The following CAMSAP2 variants were observed in gnomAD, a reference collection of about 807,000 sequenced individuals.
CAMSAP2 encodes calmodulin regulated spectrin associated protein family member 2.
In CAMSAP2, 26 loss-of-function variants were observed where a neutral mutation model predicts 146.1. The ratio of observed to expected loss-of-function variants is 0.18; its 90% CI spans 0.13 to 0.25. CAMSAP2 has a LOEUF of 0.25. Among genes scored for constraint, CAMSAP2 ranks in the 10% least tolerant of loss-of-function variants. The probability of loss-of-function intolerance (pLI) is 1.00; values close to 1 mark genes in which losing one functional copy is unlikely to be tolerated. For synonymous variants in CAMSAP2, 499 were observed against 596.6 expected (o/e 0.84, Z 2.38); for missense variants, 1,381 against 1,759.3 (o/e 0.78, Z 3.85).
At position 200,774,733 on chromosome 1, in the gene CAMSAP2, C is replaced by CAG. The variant is rs1225162524; in HGVS notation, c.399+13638_399+13639dup. ...AGATCAGAGGCTATCGCATTGCCGA[C>CAG]AGAGGGAATAAATACGAAGACCCTG... On this transcript the variant is annotated intron_variant, in intron 2 of 16. Coordinates refer to ENST00000358823, the MANE Select transcript of CAMSAP2 (RefSeq NM_203459.4). Among the ~76,000 whole-genome samples, 3 of 152,232 alleles carry CAG rather than the reference C, an allele frequency of 2.0e-5. No homozygotes were observed. The East Asian group carries it at 5.8e-4, about 29-fold the overall frequency.
At chr1:200,787,924 C>T (rs1665639573) in intron 2 of CAMSAP2, among the ~76,000 whole-genome samples, 1 of 152,072 alleles carries the variant, frequency 6.6e-6, no homozygotes, top group Non-Finnish European at 1.5e-5. Flanking sequence ...TTTAGCAATA[C>T]AATATTTTTA....
intron 8 of CAMSAP2, among the ~76,000 whole-genome samples, chr1:200,846,307 GC>G (rs1667458610): frequency 1.3e-5 from 2 of 152,170 alleles, no homozygotes; most frequent in African/African-American, 4.8e-5. Flanking sequence ...GGAAAGTAAA[GC>G]TTTCCACTCA....
At chr1:200,791,017 G>A (rs1268843261) in intron 2 of CAMSAP2, among the ~76,000 whole-genome samples, 1 of 151,998 alleles carries the variant, frequency 6.6e-6, no homozygotes, top group African/African-American at 2.4e-5. Flanking sequence ...GCTAATTTTT[G>A]TATTTTTAGT....
intron 1 of CAMSAP2, among the ~76,000 whole-genome samples, chr1:200,740,974 A>G (rs1411247196): frequency 1.3e-5 from 2 of 152,188 alleles, no homozygotes; most frequent in Admixed American, 1.3e-4. Context: ...GTTCCCTAGT[A>G]CTCACAAATT....
intron 9 of CAMSAP2, 60 bp downstream of exon 9, chr1:200,847,352 T>C: frequency 8.4e-7 from 1 of 1,187,612 alleles, no homozygotes; most frequent in Non-Finnish European, 1.2e-6. Context: ...TGGGAAATGA[T>C]TGACAGTAAA....
rs897064576 is a variant in CAMSAP2, at chr1:200,738,918, A to G, written c.-910A>G. On this transcript the variant is annotated 5_prime_UTR_variant, in exon 1 of 17. Transcript: ENST00000358823. ...AGTCTCCGCATCTGCTCCTTCATCC[A>G]GTGCCGCAGCCGGAAAACCGCAGCG... is the stretch of plus-strand genomic sequence containing the variant. 6.7e-6 allele frequency among the ~76,000 whole-genome samples: 1 copy of G among 150,210 alleles called. No homozygotes were observed. Among genetic ancestry groups the G allele is most frequent in the Non-Finnish European group, 1.5e-5 (1 of 67,666 alleles).
intron 1 of CAMSAP2, among the ~76,000 whole-genome samples, chr1:200,756,370 C>T (rs999487000): frequency 6.6e-6 from 1 of 151,810 alleles, no homozygotes; most frequent in Non-Finnish European, 1.5e-5. Flanking sequence ...CAAGAATTGC[C>T]CGAACCCAGG....
chr1:200,770,580 A>AT (rs1306045322), intron 2 of CAMSAP2, among the ~76,000 whole-genome samples: 5 of 151,858 alleles, frequency 3.3e-5, no homozygotes, highest in African/African-American at 4.8e-5. Context: ...CACCCAGCTA[A>AT]TTTTTTTGTA....
chr1:200,805,723 C>A lies in CAMSAP2; in HGVS notation c.400-1653C>A, dbSNP rs548399887. On this transcript the variant is annotated intron_variant, in intron 2 of 16. Transcript: ENST00000358823. ...ATTCAAACCAACGACAAAACTTAGT[C>A]TGTATTGTTAGGAGGACAACAAGCC... Among the ~76,000 whole-genome samples, 3 of 152,276 alleles carry A rather than the reference C, an allele frequency of 2.0e-5. No individual in the cohort carries two copies. The Middle Eastern group carries it at 0.01, about 518-fold the overall frequency.
At chr1:200,841,243 A>C (rs1440489121) in intron 6 of CAMSAP2, among the ~76,000 whole-genome samples, 3 of 152,160 alleles carry the variant, frequency 2.0e-5, no homozygotes, top group African/African-American at 7.2e-5. Context: ...TACTGAGCAC[A>C]TACATATAAC....
rs1311834718 is a variant in CAMSAP2, at chr1:200,848,699, T to C, written c.1930T>C (p.Ser644Pro). 1 of 1,613,976 alleles carries C rather than the reference T, an allele frequency of 6.2e-7. No homozygotes were observed. Among genetic ancestry groups the C allele is most frequent in the African/African-American group, 1.3e-5 (1 of 74,916 alleles). ...VSLDSDMDDA[S>P]KFLQDYDIRT... ...CTTGGACTCTGACATGGATGATGCA[T>C]CTAAATTTCTTCAGGATTATGATAT... The change falls in exon 11 of 17, where the codon TCT becomes CCT. Residue 644 changes from serine to proline, a missense_variant. By Grantham distance (74) the Ser-to-Pro change is moderately conservative. Coordinates refer to ENST00000358823, the MANE Select transcript of CAMSAP2 (RefSeq NM_203459.4).
chr1:200,830,620 T>G (rs977796517), intron 4 of CAMSAP2, among the ~76,000 whole-genome samples: 4 of 152,216 alleles, frequency 2.6e-5, no homozygotes, highest in African/African-American at 9.6e-5. Context: ...ACTGGTTGAT[T>G]TCTTTTTTCT....
At chr1:200,759,812 C>T (rs542058499) in intron 1 of CAMSAP2, among the ~76,000 whole-genome samples, 2 of 152,270 alleles carry the variant, frequency 1.3e-5, no homozygotes, top group East Asian at 1.9e-4. Flanking sequence ...GGGGGACATA[C>T]CTCATCCTTG....
At position 200,832,926 on chromosome 1, in the gene CAMSAP2, TG is replaced by T; in HGVS notation, c.927+83del. The stretch of plus-strand genomic sequence containing the variant: ...AAACAAACAAAAACACCGGGAACAG[TG>T]GCTCATGCCTGTAATCCCAGTACTT... On this transcript the variant is annotated intron_variant, in intron 6 of 16. Transcript: ENST00000358823. The surrounding 1 kb of genome is among the most constrained non-coding windows in gnomAD (Gnocchi z 4.2). 8.0e-7 allele frequency: 1 copy of T among 1,255,400 alleles called. No homozygotes were observed. Among genetic ancestry groups the T allele is most frequent in the Non-Finnish European group, 1.1e-6 (1 of 922,074 alleles). 77.8% of individuals were successfully genotyped at this position (1,255,400 alleles called of 1,614,324 possible). A position where few individuals can be genotyped will look rare whatever the true frequency, so the allele number is the denominator to read the frequency against.
chr1:200,757,893 G>A (rs1033394679), intron 1 of CAMSAP2, among the ~76,000 whole-genome samples: 9 of 152,166 alleles, frequency 5.9e-5, no homozygotes, highest in African/African-American at 1.9e-4. Context: ...TAGTGGATAT[G>A]CTTTAATGAA....
chr1:200,818,095 G>T (rs999093383), intron 4 of CAMSAP2, among the ~76,000 whole-genome samples: 26 of 152,076 alleles, frequency 1.7e-4, no homozygotes, highest in Admixed American at 1.0e-3. Flanking sequence ...TCAGTAATAA[G>T]GTTGAAGTGG....
chr1:200,773,546 C>T (rs997229465), intron 2 of CAMSAP2, among the ~76,000 whole-genome samples: 2 of 152,098 alleles, frequency 1.3e-5, no homozygotes, highest in Admixed American at 6.6e-5. Flanking sequence ...TGTGAGCTAC[C>T]ATGTCCGGCC....
chr1:200,808,683 T>A (rs946252361), intron 3 of CAMSAP2, among the ~76,000 whole-genome samples: 2 of 152,212 alleles, frequency 1.3e-5, no homozygotes, highest in African/African-American at 4.8e-5. Flanking sequence ...CTATGCAACC[T>A]TCACATCCCA....
In CAMSAP2 at chr1:200,805,360, CCTTT is replaced by C. The variant is rs759657391; in HGVS notation, c.400-2011_400-2008del. ...AAAGGCTAGCTTCTTTCTTTCCTTT[CCTTT>C]CTTTAGCCCCTGCTAGTTGCCAGAT... is the stretch of plus-strand genomic sequence containing the variant. On this transcript the variant is annotated intron_variant, in intron 2 of 16. Coordinates refer to ENST00000358823, the MANE Select transcript of CAMSAP2 (RefSeq NM_203459.4). Among the ~76,000 whole-genome samples, 9 of 152,294 alleles carry C rather than the reference CCTTT, an allele frequency of 5.9e-5. No homozygotes were observed. The East Asian group carries it at 1.2e-3, about 20-fold the overall frequency.
Sources: gnomAD v4.1 joint callset for allele counts (sites outside exome capture counted in the v4.1 genomes callset) on GRCh38, gnomAD v4.1.1 for gene constraint, Gnocchi (gnomAD v3.1) non-coding constraint, MANE v1.5 for transcripts, NCBI Gene and HGNC (gene_info 2026-07-23, HGNC 2026-07-21) for gene names.